The following AUTS2 variants were observed in gnomAD, a reference collection of about 807,000 sequenced individuals.
The protein encoded by AUTS2 is activator of transcription and developmental regulator AUTS2.
Under a neutral mutation model 112.4 loss-of-function variants are expected in AUTS2, and 17 were observed. That is an observed-to-expected ratio of 0.15 (90% CI 0.10 to 0.23). AUTS2 has a LOEUF of 0.23. Among genes scored for constraint, AUTS2 ranks in the 10% least tolerant of loss-of-function variants. AUTS2 has a pLI of 1.00. For synonymous variants in AUTS2, 751 were observed against 702.7 expected (o/e 1.07, Z -1.09); for missense variants, 1,510 against 1,701.6 (o/e 0.89, Z 1.98).
intron 5 of AUTS2, among the ~76,000 whole-genome samples, chr7:70,459,562 C>G (rs1246279205): frequency 1.3e-5 from 2 of 152,180 alleles, no homozygotes; most frequent in African/African-American, 4.8e-5. Flanking sequence ...AGAAGACATT[C>G]TTATCAGTTT....
intron 4 of AUTS2, among the ~76,000 whole-genome samples, chr7:70,402,086 A>G (rs1794350162): frequency 6.6e-6 from 1 of 152,238 alleles, no homozygotes; most frequent in African/African-American, 2.4e-5. Flanking sequence ...AAAGTTCCAG[A>G]CATGCTGCCT....
At chr7:69,639,472 A>G (rs2129116661) in intron 1 of AUTS2, among the ~76,000 whole-genome samples, 1 of 152,360 alleles carries the variant, frequency 6.6e-6, no homozygotes, top group African/African-American at 2.4e-5. Flanking sequence ...TGGGGAAAGA[A>G]TTAGCCACTG....
chr7:70,013,932 G>T (rs1019904228), intron 2 of AUTS2, among the ~76,000 whole-genome samples: 3 of 152,014 alleles, frequency 2.0e-5, no homozygotes, highest in African/African-American at 7.3e-5. Context: ...TGGCCAGGAT[G>T]GTCTCGATCT....
intron 4 of AUTS2, among the ~76,000 whole-genome samples, chr7:70,369,952 T>C (rs1405723030): frequency 6.6e-6 from 1 of 152,178 alleles, no homozygotes; most frequent in Non-Finnish European, 1.5e-5. Context: ...GACTCGGATA[T>C]GTTGGAACCA....
At chr7:70,764,237 C>T (rs953174168) in intron 7 of AUTS2, among the ~76,000 whole-genome samples, 1 of 152,142 alleles carries the variant, frequency 6.6e-6, no homozygotes, top group Non-Finnish European at 1.5e-5. Flanking sequence ...TCTGCCCCCT[C>T]GGCCGTTTCT....
intron 1 of AUTS2, among the ~76,000 whole-genome samples, chr7:69,681,867 TAA>T (rs1469962440): frequency 6.6e-6 from 1 of 152,202 alleles, no homozygotes; most frequent in Non-Finnish European, 1.5e-5. Flanking sequence ...CCCCAAATAC[TAA>T]GTGACGAGGA....
intron 5 of AUTS2, among the ~76,000 whole-genome samples, chr7:70,608,992 C>T (rs1344191603): frequency 6.6e-6 from 1 of 152,076 alleles, no homozygotes; most frequent in African/African-American, 2.4e-5. Context: ...TTATTGTGTA[C>T]AACATGATGT....
intron 4 of AUTS2, among the ~76,000 whole-genome samples, chr7:70,352,058 C>T (rs1791792568): frequency 6.6e-6 from 1 of 152,174 alleles, no homozygotes; most frequent in African/African-American, 2.4e-5. Context: ...TTCTATGAGT[C>T]TAAGCACTTT....
intron 5 of AUTS2, among the ~76,000 whole-genome samples, chr7:70,580,792 C>T (rs567430687): frequency 1.7e-4 from 26 of 152,262 alleles, no homozygotes; most frequent in African/African-American, 4.8e-4. Context: ...GGAAGTTTTA[C>T]GTTGTGTTTA....
At chr7:70,571,318 G>C (rs541464937) in intron 5 of AUTS2, among the ~76,000 whole-genome samples, 1 of 152,236 alleles carries the variant, frequency 6.6e-6, no homozygotes, top group African/African-American at 2.4e-5. Context: ...TTGTTGGGAG[G>C]ATCAAAGAAG....
rs1792001580 is a variant in AUTS2 at position 70,792,085 on chromosome 7, A to G, written c.*1089A>G. The G allele has an allele frequency of 6.6e-6, 1 of 152,658 alleles. No homozygotes were observed. The highest frequency in any genetic ancestry group is 2.1e-4 in the South Asian group (1 of 4,832). The allele number at this position is 152,658 out of a possible 1,614,324, so 9.5% of individuals were successfully genotyped here. A position where few individuals can be genotyped will look rare whatever the true frequency, so the allele number is the denominator to read the frequency against. ...CTGAAAGAAAGCTTCAAGTTTTCTC[A>G]GATGATGGATATGTTTTCACTGTAT... On this transcript the variant is annotated 3_prime_UTR_variant, in exon 19 of 19. Transcript: ENST00000342771.
intron 5 of AUTS2, among the ~76,000 whole-genome samples, chr7:70,664,388 T>G (rs1444115758): frequency 2.0e-5 from 3 of 152,214 alleles, no homozygotes; most frequent in African/African-American, 7.2e-5. Context: ...GTTGAACTTG[T>G]AAAGTGATGA....
At chr7:70,601,141 T>A (rs1803454493) in intron 5 of AUTS2, among the ~76,000 whole-genome samples, 1 of 152,212 alleles carries the variant, frequency 6.6e-6, no homozygotes, top group Non-Finnish European at 1.5e-5. Context: ...TTACAAGCAG[T>A]TTATGAGAGT....
intron 1 of AUTS2, among the ~76,000 whole-genome samples, chr7:69,835,796 A>T (rs1454295758): frequency 2.6e-5 from 4 of 152,242 alleles, no homozygotes; most frequent in African/African-American, 9.6e-5. Context: ...TCCTGGAATC[A>T]TGTAGGACAT....
At chr7:69,831,512 C>T (rs1352845822) in intron 1 of AUTS2, among the ~76,000 whole-genome samples, 1 of 152,112 alleles carries the variant, frequency 6.6e-6, no homozygotes, top group African/African-American at 2.4e-5. Flanking sequence ...CTTTGATCTT[C>T]CCAGGGTGCT....
chr7:70,084,908 T>G (rs1025659407), intron 2 of AUTS2, among the ~76,000 whole-genome samples: 1 of 152,170 alleles, frequency 6.6e-6, no homozygotes, highest in Non-Finnish European at 1.5e-5. Context: ...GATCTTGCTC[T>G]GTCACCCAGG....
chr7:70,653,233 C>T (rs1236445394), intron 5 of AUTS2, among the ~76,000 whole-genome samples: 2 of 151,834 alleles, frequency 1.3e-5, no homozygotes, highest in African/African-American at 2.4e-5. Flanking sequence ...TAGAGTGAGA[C>T]CTTGTCTCAA....
intron 5 of AUTS2, among the ~76,000 whole-genome samples, chr7:70,534,826 T>G (rs953353494): frequency 1.3e-5 from 2 of 152,088 alleles, no homozygotes; most frequent in African/African-American, 2.4e-5. Flanking sequence ...TAATGGTGAT[T>G]ATGGTGATGG....
chr7:70,121,604 A>G (rs917934497), intron 3 of AUTS2, among the ~76,000 whole-genome samples: 5 of 152,214 alleles, frequency 3.3e-5, no homozygotes, highest in African/African-American at 1.2e-4. Context: ...AGAGAAATGC[A>G]AATTAAAACT....
Sources: gnomAD v4.1 joint callset for allele counts (sites outside exome capture counted in the v4.1 genomes callset) on GRCh38, gnomAD v4.1.1 for gene constraint, MANE v1.5 for transcripts, NCBI Gene and HGNC (gene_info 2026-07-23, HGNC 2026-07-21) for gene names.